Variants in RC3H2 observed in about 807,000 individuals in gnomAD.
RC3H2 encodes the protein roquin-2.
A neutral mutation model predicts 133.3 loss-of-function variants in RC3H2; 31 were observed. The ratio of observed to expected loss-of-function variants is 0.23; its 90% confidence interval spans 0.17 to 0.31. The LOEUF (loss-of-function observed/expected upper bound fraction) is 0.31, where lower values mean the gene tolerates loss of function less well. Ranked by LOEUF, RC3H2 falls within the 10% of genes least tolerant of loss-of-function variation. The pLI is 1.00. For missense variants in RC3H2, 1,175 were observed against 1,437.2 expected (o/e 0.82, Z 2.95); for synonymous variants, 517 against 502.2 (o/e 1.03, Z -0.40).
At chr9:122,890,846 T>C (rs1245349766) in intron 3 of RC3H2, among the ~76,000 whole-genome samples, 4 of 152,150 alleles carry the variant, frequency 2.6e-5, no homozygotes, top group South Asian at 2.1e-4. Context: ...TATGTACCTA[T>C]GTAAGAATAT....
At position 122,877,454 on chromosome 9, in the gene RC3H2, G is replaced by A. The variant is rs760935624; in HGVS notation, c.1325+17C>T. ...TCAAAAATTAAACCCATATGAAACA[G>A]AATTCTCAACACTTACTTTTCAAGC... On this transcript the variant is annotated intron_variant, in intron 9 of 20. Coordinates refer to ENST00000357244, the MANE Select transcript of RC3H2 (RefSeq NM_001100588.3). The A allele has an allele frequency of 1.9e-6, 3 of 1,588,032 alleles. No homozygotes were observed. The highest frequency in any genetic ancestry group is 2.6e-6 in the Non-Finnish European group (3 of 1,156,720).
intron 1 of RC3H2, among the ~76,000 whole-genome samples, chr9:122,904,047 G>A (rs1320286620): frequency 6.6e-6 from 1 of 152,188 alleles, no homozygotes; most frequent in Non-Finnish European, 1.5e-5. Flanking sequence ...AGCAACGTTA[G>A]CTTTCTCAGG....
At chr9:122,888,024 C>T (rs1439419454) in intron 4 of RC3H2, among the ~76,000 whole-genome samples, 2 of 151,982 alleles carry the variant, frequency 1.3e-5, no homozygotes, top group Non-Finnish European at 2.9e-5. Flanking sequence ...GGATTACAGG[C>T]GTGAGCCACT....
chr9:122,866,199 G>A (rs550632249), intron 9 of RC3H2, among the ~76,000 whole-genome samples: 381 of 152,210 alleles, frequency 2.5e-3, no homozygotes, highest in Non-Finnish European at 3.6e-3. Flanking sequence ...CTGTATTATA[G>A]TTCTCAGAAT....
intron 10 of RC3H2, 120 bp downstream of exon 10, chr9:122,865,229 T>A (rs537344380): frequency 4.4e-4 from 405 of 922,304 alleles, no homozygotes; most frequent in African/African-American, 2.2e-3. Flanking sequence ...TTCTTCTACA[T>A]CACAAAATAT....
At chr9:122,866,408 C>CACGGTCTCCCTCTCCCT (rs1253802355) in intron 9 of RC3H2, among the ~76,000 whole-genome samples, 3 of 141,850 alleles carry the variant, frequency 2.1e-5, no homozygotes, top group Non-Finnish European at 4.6e-5. Context: ...TCCCTCTCCC[C>CACGGTCTCCCTCTCCCT]ACGGTCTCCC....
intron 8 of RC3H2, among the ~76,000 whole-genome samples, chr9:122,877,802 G>A (rs1333520442): frequency 6.6e-6 from 1 of 152,044 alleles, no homozygotes; most frequent in Non-Finnish European, 1.5e-5. Context: ...AAGATTATTC[G>A]AAACTGGTTC....
At chr9:122,888,945 G>C (rs1832047023) in intron 4 of RC3H2, among the ~76,000 whole-genome samples, 3 of 152,228 alleles carry the variant, frequency 2.0e-5, no homozygotes, top group African/African-American at 7.2e-5. Context: ...ATGACTACTG[G>C]ATGAGAGTAC....
intron 9 of RC3H2, among the ~76,000 whole-genome samples, chr9:122,867,216 C>T (rs1487998742): frequency 1.1e-5 from 1 of 92,554 alleles, no homozygotes; most frequent in Non-Finnish European, 2.2e-5. Flanking sequence ...GCAGCCACCC[C>T]GTCCGGGAGG....
rs1385337326 is a variant in RC3H2, at chr9:122,892,996, T to A, written c.262A>T (p.Asn88Tyr). The A allele has an allele frequency of 1.2e-6, 2 of 1,610,992 alleles. No individual in the cohort carries two copies. Among genetic ancestry groups the A allele is most frequent in the Non-Finnish European group, 1.7e-6 (2 of 1,179,634 alleles). ...VPDHQSIKLS[N>Y]LGENKHYEVA... ...TCATAGTGTTTATTCTCACCTAGAT[T>A]ACTTAACTTAATTGACTGATGATCT... Residue 88 changes from asparagine to tyrosine, a missense_variant, in exon 3 of 21, where the codon AAT becomes TAT. Asn to Tyr is a moderately radical substitution (Grantham distance 143). Around this residue, in one of 8 missense-constraint regions of RC3H2, gnomAD observed 30 missense variants for 25.2 expected, o/e 1.19. Transcript: ENST00000357244.
Position 122,858,922 on chromosome 9 carries a change from G to T in RC3H2, c.2030C>A (p.Pro677Gln). ...MNSSPYQPPP[P>Q]QPYGPVPPVP... ...TGGAGGAACTGGTCCATACGGCTGC[G>T]GAGGAGGAGGCTGGTAAGGAGAAGA... Residue 677 changes from proline to glutamine, a missense_variant, in exon 12 of 21, where the codon CCG becomes CAG. Transcript: ENST00000357244. The T allele has an allele frequency of 1.2e-6, 2 of 1,614,230 alleles. No homozygotes were observed. Among genetic ancestry groups the T allele is most frequent in the Non-Finnish European group, 1.7e-6 (2 of 1,180,030 alleles).
At chr9:122,859,835 G>T in intron 11 of RC3H2, 82 bp downstream of exon 11, 1 of 1,157,236 alleles carries the variant, frequency 8.6e-7, no homozygotes, top group Non-Finnish European at 1.3e-6. Context: ...TTTTTTAAAT[G>T]TAGACATTCT....
intron 1 of RC3H2, among the ~76,000 whole-genome samples, chr9:122,899,851 C>T (rs1276942498): frequency 1.3e-5 from 2 of 152,154 alleles, no homozygotes; most frequent in African/African-American, 4.8e-5. Flanking sequence ...TAATGGCCAC[C>T]TGTTTGGAAA....
intron 10 of RC3H2, among the ~76,000 whole-genome samples, chr9:122,864,358 A>C (rs542938156): frequency 2.2e-5 from 3 of 134,546 alleles, no homozygotes; most frequent in Non-Finnish European, 4.7e-5. Flanking sequence ...TTATGCTGAC[A>C]CTCAGTAACA....
chr9:122,853,862 A>G, intron 18 of RC3H2, 90 bp downstream of exon 18: 1 of 1,612,378 alleles, frequency 6.2e-7, no homozygotes. Context: ...AGATAGGCAC[A>G]CCAAAATGCA....
chr9:122,903,645 G>A (rs771432769), intron 1 of RC3H2, among the ~76,000 whole-genome samples: 3 of 152,220 alleles, frequency 2.0e-5, no homozygotes, highest in African/African-American at 7.2e-5. Flanking sequence ...ACAAGTGCCT[G>A]TTTGAATTAT....
intron 10 of RC3H2, among the ~76,000 whole-genome samples, chr9:122,864,770 G>A (rs368781093): frequency 3.3e-5 from 5 of 152,022 alleles, no homozygotes; most frequent in African/African-American, 9.6e-5. Flanking sequence ...ACATATGCCC[G>A]CCACCATGCC....
intron 5 of RC3H2, among the ~76,000 whole-genome samples, chr9:122,881,577 G>C (rs2131464360): frequency 6.6e-6 from 1 of 152,186 alleles, no homozygotes; most frequent in Middle Eastern, 3.4e-3. Flanking sequence ...ATATGATACA[G>C]GCTAGAGAAG....
intron 8 of RC3H2, among the ~76,000 whole-genome samples, 184 bp downstream of exon 8, chr9:122,879,571 A>T (rs2596703): frequency 0.73 from 110,514 of 152,018 alleles, 42,603 homozygotes; most frequent in Non-Finnish European, 0.87. Context: ...TACCCTCTAA[A>T]CTCTTGGTGT....
Sources: allele counts gnomAD v4.1 joint callset (sites outside exome capture counted in the v4.1 genomes callset), GRCh38; gene constraint gnomAD v4.1.1; regional missense constraint gnomAD v4.1.1; transcripts MANE v1.5; gene names NCBI Gene and HGNC (gene_info 2026-07-23, HGNC 2026-07-21).